The following CCSER1 variants were observed in gnomAD, a reference collection of about 807,000 sequenced individuals.
CCSER1 encodes serine-rich coiled-coil domain-containing protein 1.
CCSER1 carries 41 observed loss-of-function variants against 82.0 expected under a neutral mutation model. That is an observed-to-expected ratio of 0.50 (90% CI 0.39 to 0.65). The LOEUF (loss-of-function observed/expected upper bound fraction) is 0.65. Ranked by LOEUF, CCSER1 falls within the 30% of genes least tolerant of loss-of-function variation. The pLI, the probability that CCSER1 is intolerant of heterozygous loss-of-function variation, is 0.00. For synonymous variants in CCSER1, 414 were observed against 383.9 expected (o/e 1.08, Z -0.92); for missense variants, 1,119 against 1,064.2 (o/e 1.05, Z -0.72).
intron 10 of CCSER1, among the ~76,000 whole-genome samples, chr4:91,249,744 T>C (rs1740106416): frequency 6.6e-6 from 1 of 152,128 alleles, no homozygotes; most frequent in African/African-American, 2.4e-5. Flanking sequence ...TAACCAACAT[T>C]CATTAAGTAA....
At chr4:90,424,137 A>G (rs1420668094) in intron 4 of CCSER1, among the ~76,000 whole-genome samples, 1 of 151,474 alleles carries the variant, frequency 6.6e-6, no homozygotes, top group African/African-American at 2.4e-5. Context: ...TTTTACATCT[A>G]TGATATTGAT....
At chr4:91,237,122 A>G (rs1473948249) in intron 10 of CCSER1, among the ~76,000 whole-genome samples, 1 of 151,352 alleles carries the variant, frequency 6.6e-6, no homozygotes. Context: ...ATATTTATAC[A>G]ATCAATCATC....
chr4:91,417,496 G>A (rs1369530656), intron 10 of CCSER1, among the ~76,000 whole-genome samples: 2 of 152,040 alleles, frequency 1.3e-5, no homozygotes, highest in South Asian at 2.1e-4. Context: ...ATATACCATG[G>A]AATACTATGC....
chr4:90,134,137 T>G (rs1723263966), intron 1 of CCSER1, among the ~76,000 whole-genome samples: 1 of 152,204 alleles, frequency 6.6e-6, no homozygotes, highest in South Asian at 2.1e-4. Context: ...GTAAAGTTAG[T>G]TTGATGCATA....
chr4:90,303,632 C>T (rs972672540), intron 1 of CCSER1, among the ~76,000 whole-genome samples: 2 of 151,792 alleles, frequency 1.3e-5, no homozygotes, highest in African/African-American at 4.9e-5. Flanking sequence ...CTTCCTTACA[C>T]CTTATACAAA....
At chr4:91,584,343 G>T (rs972890935) in intron 10 of CCSER1, among the ~76,000 whole-genome samples, 2 of 151,560 alleles carry the variant, frequency 1.3e-5, no homozygotes, top group Non-Finnish European at 3.0e-5. Context: ...AAGAGGCATG[G>T]TTTCTCAGAC....
chr4:91,491,948 G>GTT (rs10717215), intron 10 of CCSER1, among the ~76,000 whole-genome samples: 8,433 of 124,440 alleles, frequency 0.068, 496 homozygotes, highest in East Asian at 0.25. Context: ...ATTGCTAATA[G>GTT]TTTTTTTTTT....
At chr4:91,043,228 A>G (rs1416141224) in intron 9 of CCSER1, among the ~76,000 whole-genome samples, 1 of 152,154 alleles carries the variant, frequency 6.6e-6, no homozygotes, top group East Asian at 1.9e-4. Flanking sequence ...CACTAAAAAA[A>G]GAAATGTTAT....
At chr4:90,241,864 A>G (rs1746917697) in intron 1 of CCSER1, among the ~76,000 whole-genome samples, 1 of 152,248 alleles carries the variant, frequency 6.6e-6, no homozygotes. Context: ...ATATCTATAA[A>G]ATTAGTAATG....
At chr4:91,178,444 A>C (rs1295909089) in intron 10 of CCSER1, among the ~76,000 whole-genome samples, 2 of 152,102 alleles carry the variant, frequency 1.3e-5, no homozygotes, top group Non-Finnish European at 2.9e-5. Flanking sequence ...TGAGAGTCTA[A>C]GTCTCTTTGT....
At chr4:91,082,250 A>G (rs1308739586) in intron 9 of CCSER1, among the ~76,000 whole-genome samples, 1 of 152,188 alleles carries the variant, frequency 6.6e-6, no homozygotes, top group Non-Finnish European at 1.5e-5. Context: ...GAGCCCTCGG[A>G]AATAATACCA....
intron 1 of CCSER1, among the ~76,000 whole-genome samples, chr4:90,207,416 G>A (rs11939882): frequency 0.016 from 2,412 of 152,152 alleles, 36 homozygotes; most frequent in African/African-American, 0.041. Context: ...AAGGTTCTTA[G>A]CTTCCTTGCA....
At chr4:90,834,681 C>G (rs1761559076) in intron 8 of CCSER1, among the ~76,000 whole-genome samples, 2 of 152,164 alleles carry the variant, frequency 1.3e-5, no homozygotes, top group Non-Finnish European at 2.9e-5. Flanking sequence ...ATACCGTGTT[C>G]AGTTACAGAA....
At chr4:90,519,370 G>A (rs62314378) in intron 5 of CCSER1, among the ~76,000 whole-genome samples, 77 of 151,930 alleles carry the variant, frequency 5.1e-4, no homozygotes, top group African/African-American at 7.5e-4. Context: ...ACAGTTGAGT[G>A]ACAATTTATA....
Position 90,133,613 on chromosome 4 carries a change from C to T in CCSER1, c.-42+5782C>T, listed in dbSNP as rs528283220. ...AGCTTAAATATAATGTGTTCACATC[C>T]TGTATCACCTTTATACCACTGTTTC... On this transcript the variant is annotated intron_variant, in intron 1 of 10. Transcript: ENST00000509176. Among the ~76,000 whole-genome samples the T allele has an allele frequency of 1.5e-3, 233 of 152,276 alleles. 2 individuals carry two copies. The highest frequency in any genetic ancestry group is 5.4e-3 in the African/African-American group (225 of 41,566).
chr4:90,936,456 A>G (rs1253107129), intron 9 of CCSER1, among the ~76,000 whole-genome samples: 1 of 152,148 alleles, frequency 6.6e-6, no homozygotes, highest in African/African-American at 2.4e-5. Flanking sequence ...CTTGCTTAAA[A>G]TGACACAGAT....
chr4:91,112,015 C>T (rs931886201), intron 10 of CCSER1, among the ~76,000 whole-genome samples: 3 of 151,998 alleles, frequency 2.0e-5, no homozygotes, highest in Non-Finnish European at 4.4e-5. Context: ...TCAAATATGC[C>T]TTATTTCATG....
chr4:90,437,110 C>T (rs1338187222), intron 4 of CCSER1, among the ~76,000 whole-genome samples: 2 of 152,036 alleles, frequency 1.3e-5, no homozygotes, highest in African/African-American at 2.4e-5. Flanking sequence ...CGTGAGCCAC[C>T]GCCCCCGGAC....
intron 10 of CCSER1, among the ~76,000 whole-genome samples, chr4:91,124,194 G>A (rs988878965): frequency 2.6e-5 from 4 of 151,054 alleles, no homozygotes; most frequent in Non-Finnish European, 5.9e-5. Flanking sequence ...TCTAAATATT[G>A]GTAAACTATA....
Sources: gnomAD v4.1 joint callset for allele counts (sites outside exome capture counted in the v4.1 genomes callset) on GRCh38, gnomAD v4.1.1 for gene constraint, MANE v1.5 for transcripts, NCBI Gene and HGNC (gene_info 2026-07-23, HGNC 2026-07-21) for gene names.